ZNF879: variants seen among roughly 807,000 people sequenced by gnomAD.
ZNF879 encodes the protein zinc finger protein 879.
ZNF879 carries 32 observed loss-of-function variants against 44.3 expected under a neutral mutation model. That is an observed-to-expected ratio of 0.72 (90% CI 0.54 to 0.97). The LOEUF (loss-of-function observed/expected upper bound fraction) is 0.97, where lower values mean the gene tolerates loss of function less well. Among genes scored for constraint, ZNF879 ranks in the 50% least tolerant of loss-of-function variants. The pLI, the probability that ZNF879 is intolerant of heterozygous loss-of-function variation, is 0.00. For missense variants in ZNF879, 621 were observed against 669.7 expected, an observed-to-expected ratio of 0.93 and a Z score of 0.80; for synonymous variants, 234 against 233.2, an observed-to-expected ratio of 1.00 and a Z score of -0.03.
At chr5:179,025,901 A>G (rs1194606896) in intron 2 of ZNF879, among the ~76,000 whole-genome samples, 1 of 150,368 alleles carries the variant, frequency 6.7e-6, no homozygotes, top group Admixed American at 6.6e-5. Flanking sequence ...TGCGTGACAC[A>G]GCGAGACTCC....
At position 179,032,640 on chromosome 5, in the gene ZNF879, T is replaced by A; in HGVS notation, c.692T>A (p.Leu231His). Residue 231 changes from leucine to histidine, a missense_variant, in exon 5 of 5, where the codon CTC becomes CAC. Leu to His is a moderately conservative substitution (Grantham distance 99, BLOSUM62 -3). Coordinates refer to ENST00000444149, the MANE Select transcript of ZNF879 (RefSeq NM_001136116.3). ...KHQRIHTGEK[L>H]YKCKECRKAF... is the part of the protein sequence containing the mutation. Reference sequence around the variant, plus strand: ...CAGAGAATCCACACTGGAGAGAAGCTCTATAAATGTAAGGAATGTAGGAAA... The same window carrying A: ...CAGAGAATCCACACTGGAGAGAAGCACTATAAATGTAAGGAATGTAGGAAA... 2 of 1,569,074 alleles carry A rather than the reference T, an allele frequency of 1.3e-6. No homozygotes were observed. Among genetic ancestry groups the A allele is most frequent in the Non-Finnish European group, 1.7e-6 (2 of 1,157,096 alleles).
chr5:179,028,936 G>A (rs150789565), intron 4 of ZNF879, among the ~76,000 whole-genome samples: 32 of 152,164 alleles, frequency 2.1e-4, no homozygotes, highest in African/African-American at 7.2e-4. Context: ...GTTTCCATTC[G>A]TGAACTCTGT....
At chr5:179,030,351 C>A (rs1761386721) in intron 4 of ZNF879, among the ~76,000 whole-genome samples, 1 of 152,106 alleles carries the variant, frequency 6.6e-6, no homozygotes, top group Non-Finnish European at 1.5e-5. Flanking sequence ...TGCAGAGTTA[C>A]AAAGATGTTG....
chr5:179,025,816 C>CTGA (rs1443422561), intron 2 of ZNF879, among the ~76,000 whole-genome samples: 1 of 152,008 alleles, frequency 6.6e-6, no homozygotes, highest in Non-Finnish European at 1.5e-5. Flanking sequence ...GCTCTGGAGG[C>CTGA]TGAGGCAGGA....
rs1405813879 is a variant in ZNF879, at chr5:179,027,576, A to T, written c.137A>T (p.Asn46Ile). Reference protein sequence around the residue: ...RALYREVMLENYSILVSLGIL... With the variant: ...RALYREVMLEIYSILVSLGIL... ...TTGTACCGGGAGGTGATGCTGGAGA[A>T]CTACAGCATCCTGGTCTCACTGGGT... is the stretch of plus-strand genomic sequence containing the variant. The change falls in exon 3 of 5, where the codon AAC becomes ATC. Residue 46 changes from asparagine to isoleucine, a missense_variant. Asn to Ile is a moderately radical substitution (Grantham distance 149, BLOSUM62 -3). Transcript: ENST00000444149. 1 of 1,614,020 alleles carries T rather than the reference A, an allele frequency of 6.2e-7. No individual in the cohort carries two copies. Among genetic ancestry groups the T allele is most frequent in the East Asian group, 2.2e-5 (1 of 44,864 alleles).
At position 179,029,065 on chromosome 5, in the gene ZNF879, A is replaced by T. The variant is rs149919520; in HGVS notation, c.256+938A>T. On this transcript the variant is annotated intron_variant, in intron 4 of 4. Coordinates refer to ENST00000444149, the MANE Select transcript of ZNF879 (RefSeq NM_001136116.3). Reference sequence around the variant, plus strand: ...ATCAGTTGTTTTTTTCTCTCCTCTGAGATTTGTTGTTTTGGATCTAGAATT... The same window carrying T: ...ATCAGTTGTTTTTTTCTCTCCTCTGTGATTTGTTGTTTTGGATCTAGAATT... 7.2e-3 allele frequency among the ~76,000 whole-genome samples: 953 copies of T among 131,478 alleles called. 22 individuals carry two copies. The highest frequency in any genetic ancestry group is 0.048 in the Admixed American group (647 of 13,550). 86.3% of individuals were successfully genotyped at this position (131,478 alleles called of 152,430 possible). A position where few individuals can be genotyped will look rare whatever the true frequency, so the allele number is the denominator to read the frequency against.
At chr5:179,028,184 G>T in intron 4 of ZNF879, 57 bp downstream of exon 4, 1 of 1,485,936 alleles carries the variant, frequency 6.7e-7, no homozygotes, top group Non-Finnish European at 9.2e-7. Context: ...CCAGGGCACA[G>T]CGAGGAGGCT....
chr5:179,033,034 C>T lies in ZNF879; in HGVS notation c.1086C>T (p.His362=), dbSNP rs1418557146. 2 of 1,557,876 alleles carry T rather than the reference C, an allele frequency of 1.3e-6. No individual in the cohort carries two copies. Among genetic ancestry groups the T allele is most frequent in the African/African-American group, 2.7e-5 (2 of 73,190 alleles). The change falls in exon 5 of 5, where the codon CAC becomes CAT. Residue 362 remains histidine (H), a synonymous_variant. Transcript: ENST00000444149. ...AFTSISRLSR[H]HRIHTGEKPF... Reference sequence around the variant, plus strand: ...CTTCAATATCGCGGCTAAGTAGGCACCATCGAATTCATACTGGAGAGAAAC... The same window carrying T: ...CTTCAATATCGCGGCTAAGTAGGCATCATCGAATTCATACTGGAGAGAAAC...
At chr5:179,029,856 C>T (rs976122148) in intron 4 of ZNF879, among the ~76,000 whole-genome samples, 24 of 152,188 alleles carry the variant, frequency 1.6e-4, no homozygotes, top group African/African-American at 5.5e-4. Context: ...ATTCAGCCCT[C>T]AGTGAATAGA....
chr5:179,027,562 G>C lies in ZNF879; in HGVS notation c.123G>C (p.Glu41Asp), dbSNP rs1761304804. 6.2e-7 allele frequency: 1 copy of C among 1,614,018 alleles called. No homozygotes were observed. The highest frequency in any genetic ancestry group is 1.3e-5 in the African/African-American group (1 of 74,918). Residue 41 changes from glutamate (E) to aspartate (D), a missense_variant, in exon 3 of 5, where the codon GAG becomes GAC. Physicochemically the swap from Glu to Asp is conservative, Grantham distance 45. Coordinates refer to ENST00000444149, the MANE Select transcript of ZNF879 (RefSeq NM_001136116.3). ...CTGCCCAGAGAGCCTTGTACCGGGA[G>C]GTGATGCTGGAGAACTACAGCATCC... ...LDSAQRALYR[E>D]VMLENYSILV...
rs371373529 is a variant in ZNF879 at position 179,028,117 on chromosome 5, C to T, written c.246C>T (p.Gly82=). ...PWMVESGVPQ[G]AHLGWESLFG... The stretch of plus-strand genomic sequence containing the variant: ...TGGTGGAGAGTGGAGTTCCCCAAGG[C>T]GCACATCTCGGTGAGTGACAGAGTA... Residue 82 remains glycine, a synonymous_variant, in exon 4 of 5, where the codon GGC becomes GGT. Coordinates refer to ENST00000444149, the MANE Select transcript of ZNF879 (RefSeq NM_001136116.3). 8.9e-4 allele frequency: 1,385 copies of T among 1,551,396 alleles called. 11 individuals are homozygous for T. The South Asian group carries it at 0.012, about 14-fold the overall frequency.
intron 4 of ZNF879, among the ~76,000 whole-genome samples, chr5:179,030,365 A>G (rs1448096906): frequency 6.6e-6 from 1 of 152,248 alleles, no homozygotes; most frequent in Admixed American, 6.5e-5. Context: ...GATGTTGTAA[A>G]AGAATGTTTG....
intron 4 of ZNF879, among the ~76,000 whole-genome samples, chr5:179,029,676 C>A (rs1761370666): frequency 6.6e-6 from 1 of 152,006 alleles, no homozygotes; most frequent in East Asian, 1.9e-4. Flanking sequence ...AAAAAGTCAC[C>A]TGGAATTTTA....
intron 3 of ZNF879, 55 bp downstream of exon 3, chr5:179,027,654 CAGG>C: frequency 1.3e-6 from 2 of 1,589,008 alleles, no homozygotes; most frequent in Non-Finnish European, 1.7e-6. Flanking sequence ...TTAGCACCCT[CAGG>C]GGGCACATTT....
intron 4 of ZNF879, among the ~76,000 whole-genome samples, chr5:179,030,903 T>C (rs980687211): frequency 6.6e-6 from 1 of 152,232 alleles, no homozygotes; most frequent in African/African-American, 2.4e-5. Context: ...ATGATAATGG[T>C]GTTGGTGTCC....
chr5:179,025,486 G>A (rs1386020475), intron 2 of ZNF879, among the ~76,000 whole-genome samples: 4 of 152,226 alleles, frequency 2.6e-5, no homozygotes, highest in African/African-American at 9.6e-5. Context: ...CACCGCGCCC[G>A]GCCCCCAGTC....
At chr5:179,026,099 A>AAAAG (rs1561733145) in intron 2 of ZNF879, among the ~76,000 whole-genome samples, 8 of 148,682 alleles carry the variant, frequency 5.4e-5, no homozygotes, top group African/African-American at 1.2e-4. Context: ...AAAAAAAAAA[A>AAAAG]AAACAAAGAA....
rs550415722 is a variant in ZNF879 at position 179,031,150 on chromosome 5, C to T, written c.257-1055C>T. Among the ~76,000 whole-genome samples the T allele has an allele frequency of 9.8e-5, 15 of 152,300 alleles. No homozygotes were observed. In the East Asian group the frequency reaches 2.7e-3, roughly 27 times the overall value. On this transcript the variant is annotated intron_variant, in intron 4 of 4. Transcript: ENST00000444149. ...CAGCTGCCCTTGTTCTCTTTCTCCC[C>T]GGCCCCATTACAGTTTGTTTTTCAT...
In ZNF879 at chr5:179,032,550, G is replaced by T. The variant is rs562032323; in HGVS notation, c.602G>T (p.Arg201Leu). 1.3e-6 allele frequency: 2 copies of T among 1,551,858 alleles called. No homozygotes were observed. The highest frequency in any genetic ancestry group is 1.7e-6 in the Non-Finnish European group (2 of 1,147,090). Residue 201 changes from arginine (R) to leucine (L), a missense_variant, in exon 5 of 5, where the codon CGT (arginine) becomes CTT (leucine). Arg to Leu is a moderately radical substitution (Grantham distance 102). Coordinates refer to ENST00000444149, the MANE Select transcript of ZNF879 (RefSeq NM_001136116.3). ...LFKQLGVNTV[R>L]KCYKCNICGK... is the part of the protein sequence containing the mutation. ...AAACAACTGGGGGTCAACACAGTGC[G>T]TAAATGTTATAAATGTAATATCTGT...
Sources: allele counts gnomAD v4.1 joint callset (sites outside exome capture counted in the v4.1 genomes callset), GRCh38; gene constraint gnomAD v4.1.1; transcripts MANE v1.5; gene names NCBI Gene and HGNC (gene_info 2026-07-23, HGNC 2026-07-21).